KALRN: variants seen among roughly 807,000 people sequenced by gnomAD.
KALRN encodes kalirin.
Under a neutral mutation model 353.7 loss-of-function variants are expected in KALRN, and 70 were observed. That is an observed-to-expected ratio of 0.20 (90% confidence interval 0.16 to 0.24). KALRN has a LOEUF of 0.24. Ranked by LOEUF, KALRN falls within the 10% of genes least tolerant of loss-of-function variation. The pLI, the probability that KALRN is intolerant of heterozygous loss-of-function variation, is 1.00. For synonymous variants in KALRN, 1,391 were observed against 1,434.8 expected (o/e 0.97, Z 0.69); for missense variants, 2,791 against 3,756.7 (o/e 0.74, Z 6.72).
intron 1 of KALRN, among the ~76,000 whole-genome samples, chr3:124,112,601 T>C (rs1344281342): frequency 6.6e-6 from 1 of 152,184 alleles, no homozygotes; most frequent in Non-Finnish European, 1.5e-5. Flanking sequence ...GTCCAATTCC[T>C]GAACACTAGC....
chr3:124,518,163 C>G (rs532696594), intron 33 of KALRN, among the ~76,000 whole-genome samples: 1 of 152,290 alleles, frequency 6.6e-6, no homozygotes, highest in East Asian at 1.9e-4. Context: ...GGATTGTGGA[C>G]CTGGTGGGCT....
intron 33 of KALRN, among the ~76,000 whole-genome samples, chr3:124,546,488 A>G (rs111307322): frequency 7.2e-6 from 1 of 139,220 alleles, no homozygotes; most frequent in African/African-American, 2.5e-5. Flanking sequence ...GAGAGAGAGA[A>G]AGAAAGAAAG....
intron 34 of KALRN, among the ~76,000 whole-genome samples, chr3:124,613,762 ATGT>A (rs2078255154): frequency 2.6e-5 from 4 of 152,132 alleles, no homozygotes; most frequent in Admixed American, 2.0e-4. Context: ...CCTGCCTTTA[ATGT>A]TGTTAAATTT....
chr3:124,278,477 G>GTA (rs2075007275), intron 5 of KALRN, among the ~76,000 whole-genome samples: 2 of 150,624 alleles, frequency 1.3e-5, no homozygotes, highest in Non-Finnish European at 3.0e-5. Context: ...GTGTGTGTGT[G>GTA]TGTGTGTGTG....
rs1361569918 is a variant in KALRN, at chr3:124,347,320, G to GTGTGTGTGTA, written c.1770+56_1770+57insGTGTGTGTAT. The GTGTGTGTGTA allele has an allele frequency of 3.3e-6, 5 of 1,515,420 alleles. No individual in the cohort carries two copies. The East Asian group carries it at 1.2e-4, about 37-fold the overall frequency. 93.9% of individuals were successfully genotyped at this position (1,515,420 alleles called of 1,614,324 possible). On this transcript the variant is annotated intron_variant, in intron 10 of 59. Coordinates refer to ENST00000682506, the MANE Select transcript of KALRN (RefSeq NM_001388419.1). ...TGTGTGTGTGTGTGTGTGTGTGTGT[G>GTGTGTGTGTA]TCTAGATGAGGGAGGCATGATGACT...
At chr3:124,417,501 A>G (rs1162099483) in intron 14 of KALRN, among the ~76,000 whole-genome samples, 2 of 152,242 alleles carry the variant, frequency 1.3e-5, no homozygotes, top group Non-Finnish European at 2.9e-5. Flanking sequence ...TTCTCTCTTT[A>G]TACAAGGTTT....
intron 58 of KALRN, among the ~76,000 whole-genome samples, chr3:124,714,302 G>C (rs1016893676): frequency 6.6e-6 from 1 of 152,154 alleles, no homozygotes; most frequent in Non-Finnish European, 1.5e-5. Flanking sequence ...ATCTGTGCTT[G>C]TGTTCCAGTG....
At chr3:124,119,949 G>A (rs1010164024) in intron 1 of KALRN, among the ~76,000 whole-genome samples, 15 of 152,240 alleles carry the variant, frequency 9.9e-5, no homozygotes, top group Admixed American at 7.8e-4. Flanking sequence ...TGCTAATGGT[G>A]TGCTCACACC....
chr3:124,612,113 C>T (rs1478460236), intron 34 of KALRN, among the ~76,000 whole-genome samples: 1 of 152,242 alleles, frequency 6.6e-6, no homozygotes, highest in Non-Finnish European at 1.5e-5. Flanking sequence ...CAGCCTCTGC[C>T]TCACAGGTTC....
At chr3:124,637,435 C>G (rs886927627) in intron 37 of KALRN, 132 bp downstream of exon 37, 2 of 719,994 alleles carry the variant, frequency 2.8e-6, no homozygotes, top group African/African-American at 3.5e-5. Flanking sequence ...ATGATGGTTT[C>G]TAAAAAGCTG....
chr3:124,041,238 T>C (rs1442262957), intron 1 of KALRN, among the ~76,000 whole-genome samples: 5 of 152,180 alleles, frequency 3.3e-5, no homozygotes, highest in African/African-American at 1.2e-4. Flanking sequence ...TGCTCTCTAC[T>C]TACATGAATA....
chr3:124,519,757 TTTAACACGGGCA>T, intron 33 of KALRN: 1 of 985,466 alleles, frequency 1.0e-6, no homozygotes, highest in Non-Finnish European at 1.2e-6. Flanking sequence ...AATGGAGAAC[TTTAACACGGGCA>T]TTTGCATGAC....
At chr3:124,096,831 G>A (rs1389571746) in intron 1 of KALRN, among the ~76,000 whole-genome samples, 12 of 152,304 alleles carry the variant, frequency 7.9e-5, no homozygotes, top group Middle Eastern at 6.8e-3. Flanking sequence ...AGTGTCAGGC[G>A]TTTTGGAAAT....
rs1310226964 is a variant in KALRN at position 124,659,431 on chromosome 3, A to G, written c.6190A>G (p.Ile2064Val). Residue 2064 changes from isoleucine to valine, a missense_variant, in exon 43 of 60, where the codon ATA becomes GTA. Physicochemically the swap from Ile to Val is conservative, Grantham distance 29. Transcript: ENST00000682506. ...SDFLIKPIQRITKYQLLLKDF... is the reference protein window; with the variant it reads ...SDFLIKPIQRVTKYQLLLKDF... ...CTTCCTCATCAAGCCCATTCAGAGA[A>G]TAACAAAATACCAGTTGCTCCTCAA... 4 of 1,613,522 alleles carry G rather than the reference A, an allele frequency of 2.5e-6. No homozygotes were observed. The highest frequency in any genetic ancestry group is 2.5e-6 in the Non-Finnish European group (3 of 1,179,446).
At position 124,490,892 on chromosome 3, in the gene KALRN, G is replaced by A. The variant is rs2063079431; in HGVS notation, c.4587+8G>A. 2 of 1,603,344 alleles carry A rather than the reference G, an allele frequency of 1.2e-6. No homozygotes were observed. Among genetic ancestry groups the A allele is most frequent in the Non-Finnish European group, 1.7e-6 (2 of 1,175,230 alleles). ...TACAAGAACAAGCTACTGGTAGGTG[G>A]GGCAGGTGGGGTAAGACAAGACTCC... is the stretch of plus-strand genomic sequence containing the variant. On this transcript the variant is annotated splice_region_variant and intron_variant, in intron 30 of 59. Transcript: ENST00000682506.
intron 14 of KALRN, among the ~76,000 whole-genome samples, chr3:124,415,795 C>A (rs1418476352): frequency 6.6e-6 from 1 of 152,180 alleles, no homozygotes; most frequent in African/African-American, 2.4e-5. Context: ...GGGCCCTGGG[C>A]CCAGCAGCAC....
chr3:124,254,864 T>C lies in KALRN; in HGVS notation c.264-9634T>C, dbSNP rs534437772. 9.2e-5 allele frequency among the ~76,000 whole-genome samples: 14 copies of C among 152,330 alleles called. No homozygotes were observed. The South Asian group carries it at 2.9e-3, about 32-fold the overall frequency. ...CATGATTTCTGCTTCCTCCCCTGGCTGCAGTGGAGGAGCAGCCAGCATCCA... is the reference window on the plus strand; with the variant it reads ...CATGATTTCTGCTTCCTCCCCTGGCCGCAGTGGAGGAGCAGCCAGCATCCA... On this transcript the variant is annotated intron_variant, in intron 3 of 59. Transcript: ENST00000682506.
At chr3:124,168,425 T>C (rs1450205586) in intron 1 of KALRN, among the ~76,000 whole-genome samples, 2 of 152,182 alleles carry the variant, frequency 1.3e-5, no homozygotes, top group Non-Finnish European at 2.9e-5. Flanking sequence ...TTAGATAAAC[T>C]ATGAGAAAGT....
intron 1 of KALRN, among the ~76,000 whole-genome samples, chr3:124,227,344 A>G (rs775748521): frequency 1.3e-5 from 2 of 152,152 alleles, no homozygotes; most frequent in Non-Finnish European, 2.9e-5. Context: ...TCTCCTGTCT[A>G]TTGTGGACCA....
Sources: allele counts gnomAD v4.1 joint callset (sites outside exome capture counted in the v4.1 genomes callset), GRCh38; gene constraint gnomAD v4.1.1; transcripts MANE v1.5; gene names NCBI Gene and HGNC (gene_info 2026-07-23, HGNC 2026-07-21).